The following FOXN3 variants were observed in gnomAD, a reference collection of about 807,000 sequenced individuals.
The protein encoded by FOXN3 is forkhead box protein N3.
FOXN3 carries 7 observed loss-of-function variants against 38.4 expected under a neutral mutation model. That is an observed-to-expected ratio of 0.18 (90% CI 0.10 to 0.34). The LOEUF (loss-of-function observed/expected upper bound fraction) is 0.34, where lower values mean the gene tolerates loss of function less well. Among genes scored for constraint, FOXN3 ranks in the 10% least tolerant of loss-of-function variants. FOXN3 has a pLI of 1.00. For missense variants in FOXN3, 456 were observed against 613.4 expected, an observed-to-expected ratio of 0.74 and a Z score of 2.71; for synonymous variants, 230 against 242.2, an observed-to-expected ratio of 0.95 and a Z score of 0.47.
At chr14:89,486,113 G>C (rs548348993) in intron 1 of FOXN3, among the ~76,000 whole-genome samples, 28 of 152,284 alleles carry the variant, frequency 1.8e-4, no homozygotes, top group African/African-American at 6.7e-4. Context: ...ATAGGAGCCA[G>C]CCTTCTACTT....
chr14:89,348,057 G>C (rs1246473460), intron 3 of FOXN3, among the ~76,000 whole-genome samples: 1 of 152,066 alleles, frequency 6.6e-6, no homozygotes, highest in African/African-American at 2.4e-5. Context: ...CAAATGTCTC[G>C]CTTTTCCCGC....
At chr14:89,535,508 C>G (rs995805656) in intron 1 of FOXN3, among the ~76,000 whole-genome samples, 21 of 152,136 alleles carry the variant, frequency 1.4e-4, no homozygotes, top group African/African-American at 5.1e-4. Flanking sequence ...GATAATGCAG[C>G]CTTTTTTTCA....
chr14:89,443,063 T>C (rs1462871734), intron 1 of FOXN3, among the ~76,000 whole-genome samples: 2 of 152,178 alleles, frequency 1.3e-5, no homozygotes, highest in Admixed American at 6.5e-5. Context: ...GCTCAGCAAA[T>C]TGCAAATAAG....
At chr14:89,358,740 C>T (rs1889336171) in intron 2 of FOXN3, among the ~76,000 whole-genome samples, 2 of 152,186 alleles carry the variant, frequency 1.3e-5, no homozygotes, top group South Asian at 4.1e-4. Context: ...CCAGTACCAC[C>T]CATGTGTGGG....
At chr14:89,378,832 G>C (rs191987515) in intron 2 of FOXN3, among the ~76,000 whole-genome samples, 2 of 150,860 alleles carry the variant, frequency 1.3e-5, no homozygotes, top group Non-Finnish European at 2.9e-5. Context: ...TTAGCCTCCC[G>C]AGTACCTGGG....
At chr14:89,615,764 G>A (rs1258587390) in intron 1 of FOXN3, among the ~76,000 whole-genome samples, 1 of 152,182 alleles carries the variant, frequency 6.6e-6, no homozygotes, top group Non-Finnish European at 1.5e-5. Flanking sequence ...ATATCTGGGT[G>A]ATTTAGCATA....
intron 2 of FOXN3, among the ~76,000 whole-genome samples, chr14:89,392,390 C>A (rs1284772189): frequency 6.6e-6 from 1 of 152,220 alleles, no homozygotes; most frequent in East Asian, 1.9e-4. Context: ...CTGCTGTAAC[C>A]AAGTGCCACA....
chr14:89,300,980 T>G (rs1566950737), intron 3 of FOXN3, among the ~76,000 whole-genome samples: 1 of 152,002 alleles, frequency 6.6e-6, no homozygotes, highest in Non-Finnish European at 1.5e-5. Flanking sequence ...TGCTTTTTTT[T>G]TTAGTAGAGA....
chr14:89,418,447 A>C, upstream of FOXN3, among the ~76,000 whole-genome samples: 1 of 113,022 alleles, frequency 8.8e-6, no homozygotes. Context: ...ATTCCCCCTA[A>C]CAAAGGTTCA....
intron 1 of FOXN3, among the ~76,000 whole-genome samples, chr14:89,561,047 G>A (rs7147680): frequency 0.089 from 13,510 of 152,230 alleles, 1,633 homozygotes; most frequent in African/African-American, 0.28. Flanking sequence ...AATACAGAAC[G>A]GCTTCTACCT....
intron 1 of FOXN3, among the ~76,000 whole-genome samples, chr14:89,570,436 G>A (rs1329631401): frequency 1.3e-5 from 2 of 151,948 alleles, no homozygotes; most frequent in Non-Finnish European, 2.9e-5. Flanking sequence ...GGGTGGAGCC[G>A]AAAACATGGT....
chr14:89,399,424 C>T (rs1891189746), intron 2 of FOXN3, among the ~76,000 whole-genome samples: 2 of 152,188 alleles, frequency 1.3e-5, no homozygotes, highest in Admixed American at 1.3e-4. Context: ...ACAGAGGAGG[C>T]ACTTCCAATG....
intron 1 of FOXN3, among the ~76,000 whole-genome samples, chr14:89,549,094 T>C (rs1433614971): frequency 6.6e-6 from 1 of 151,236 alleles, no homozygotes; most frequent in Non-Finnish European, 1.5e-5. Context: ...ACTCCAGCCT[T>C]GGCGACAGAG....
At chr14:89,464,738 G>A (rs528329829) in intron 1 of FOXN3, among the ~76,000 whole-genome samples, 9 of 152,012 alleles carry the variant, frequency 5.9e-5, no homozygotes, top group African/African-American at 1.7e-4. Flanking sequence ...TTGCTCTGTC[G>A]CCAAGCTGGG....
chr14:89,307,461 A>G (rs572253443), intron 3 of FOXN3, among the ~76,000 whole-genome samples: 1 of 151,274 alleles, frequency 6.6e-6, no homozygotes, highest in Admixed American at 6.6e-5. Flanking sequence ...AATTATATAT[A>G]TGTGTGTAAA....
intron 1 of FOXN3, among the ~76,000 whole-genome samples, chr14:89,550,377 A>C (rs1247253786): frequency 1.3e-5 from 2 of 152,222 alleles, no homozygotes; most frequent in Non-Finnish European, 2.9e-5. Flanking sequence ...AATAATGTAC[A>C]GTGCACAGCA....
intron 4 of FOXN3, among the ~76,000 whole-genome samples, chr14:89,192,821 A>AAT (rs1193302162): frequency 6.8e-6 from 1 of 147,416 alleles, no homozygotes; most frequent in African/African-American, 2.5e-5. Flanking sequence ...GATATAGAAA[A>AAT]ATATATATAT....
chr14:89,580,107 T>C (rs1025612516), intron 1 of FOXN3, among the ~76,000 whole-genome samples: 1 of 152,238 alleles, frequency 6.6e-6, no homozygotes, highest in Non-Finnish European at 1.5e-5. Context: ...CCCATATTTC[T>C]AAACACCAGA....
At chr14:89,360,761 CACCACT>C (rs1480315288) in intron 2 of FOXN3, among the ~76,000 whole-genome samples, 56 of 104,778 alleles carry the variant, frequency 5.3e-4, no homozygotes, top group Non-Finnish European at 7.7e-4. Context: ...CCACCACCTC[CACCACT>C]ACCACCTCCA....
Sources: gnomAD v4.1 joint callset for allele counts (sites outside exome capture counted in the v4.1 genomes callset) on GRCh38, gnomAD v4.1.1 for gene constraint, MANE v1.5 for transcripts, NCBI Gene and HGNC (gene_info 2026-07-23, HGNC 2026-07-21) for gene names.